MGST1: variants seen among roughly 807,000 people sequenced by gnomAD.
MGST1 encodes microsomal glutathione S-transferase 1.
In MGST1, 5 loss-of-function variants were observed where a neutral mutation model predicts 8.9. The ratio of observed to expected loss-of-function variants is 0.56; its 90% CI spans 0.29 to 1.19. The LOEUF (loss-of-function observed/expected upper bound fraction) is 1.19, where lower values mean the gene tolerates loss of function less well. Ranked by LOEUF, MGST1 falls within the 50% of genes most tolerant of loss-of-function variation. The pLI is 0.08. For missense variants in MGST1, 182 were observed against 187.4 expected, an observed-to-expected ratio of 0.97 and a Z score of 0.17; for synonymous variants, 54 against 67.8, an observed-to-expected ratio of 0.80 and a Z score of 1.00.
In MGST1 at chr12:16,387,768, T is replaced by C. The variant is rs555208605; in HGVS notation, n.778+4164T>C. ...GTCTCGATCTCCTGACCTCATGATC[T>C]GCCCGCCTTGGCCTCCTGAAGTGCT... On this transcript the variant is annotated intron_variant and non_coding_transcript_variant, in intron 1 of 1. Coordinates refer to the MGST1 transcript ENST00000359720. Among the ~76,000 whole-genome samples the C allele has an allele frequency of 9.2e-5, 14 of 152,240 alleles. No homozygotes were observed. In the South Asian group the frequency reaches 1.2e-3, roughly 14 times the overall value.
downstream of MGST1, among the ~76,000 whole-genome samples, chr12:16,365,766 C>T (rs1940176500): frequency 6.6e-6 from 1 of 152,236 alleles, no homozygotes; most frequent in Non-Finnish European, 1.5e-5. Flanking sequence ...CACACACACA[C>T]ACCCTGCTCT....
chr12:16,512,524 A>G (rs988839372), intron 4 of MGST1, among the ~76,000 whole-genome samples: 4 of 152,238 alleles, frequency 2.6e-5, no homozygotes, highest in African/African-American at 7.2e-5. Context: ...AACAACTTCA[A>G]ATATAATTTT....
At chr12:16,563,030 A>G (rs1483125998) in intron 4 of MGST1, among the ~76,000 whole-genome samples, 1 of 152,238 alleles carries the variant, frequency 6.6e-6, no homozygotes, top group Non-Finnish European at 1.5e-5. Flanking sequence ...TAGGCTTCAG[A>G]TAAAATTTTC....
At chr12:16,536,037 C>A (rs1259949691) in intron 4 of MGST1, among the ~76,000 whole-genome samples, 1 of 151,540 alleles carries the variant, frequency 6.6e-6, no homozygotes, top group Non-Finnish European at 1.5e-5. Context: ...GTTATTTAGT[C>A]TCCTCCTAAA....
At chr12:16,404,023 T>G (rs1565448019) in intron 1 of MGST1, among the ~76,000 whole-genome samples, 1 of 152,368 alleles carries the variant, frequency 6.6e-6, no homozygotes, top group African/African-American at 2.4e-5. Context: ...ATATCAATTA[T>G]GAGAAAACTG....
intron 4 of MGST1, among the ~76,000 whole-genome samples, chr12:16,581,032 AT>A (rs1348750432): frequency 2.6e-5 from 4 of 152,152 alleles, no homozygotes; most frequent in African/African-American, 9.7e-5. Context: ...CCACTAACAA[AT>A]TTTTTTCTAA....
At chr12:16,508,244 G>A (rs138676969) in intron 4 of MGST1, among the ~76,000 whole-genome samples, 53 of 152,242 alleles carry the variant, frequency 3.5e-4, no homozygotes, top group African/African-American at 1.2e-3. Flanking sequence ...GAATACATAG[G>A]TGTAACTTCA....
At chr12:16,441,824 G>C (rs1270214494), downstream of MGST1, among the ~76,000 whole-genome samples, 1 of 151,774 alleles carries the variant, frequency 6.6e-6, no homozygotes, top group Non-Finnish European at 1.5e-5. Flanking sequence ...TTTTTGTGTA[G>C]ACATAAATTT....
At chr12:16,525,346 A>G (rs1207042223) in intron 4 of MGST1, among the ~76,000 whole-genome samples, 2 of 137,404 alleles carry the variant, frequency 1.5e-5, no homozygotes, top group African/African-American at 5.5e-5. Flanking sequence ...TCCTGTGCCC[A>G]TGTGTTCTCA....
Position 16,404,671 on chromosome 12 carries a change from T to G in MGST1, n.778+21067T>G, listed in dbSNP as rs111627397. On this transcript the variant is annotated intron_variant and non_coding_transcript_variant, in intron 1 of 1. Transcript: ENST00000359720. The stretch of plus-strand genomic sequence containing the variant: ...GGACCATAGGAGCTTTTGCTTCATT[T>G]ATTCCTCTCCCTATTTTTGTGTTAT... Among the ~76,000 whole-genome samples, 1,054 of 152,282 alleles carry G rather than the reference T, an allele frequency of 6.9e-3. 20 individuals carry two copies. Among genetic ancestry groups the G allele is most frequent in the African/African-American group, 0.024 (1,018 of 41,572 alleles).
chr12:16,537,670 T>G lies in MGST1; in HGVS notation n.483-51858T>G, dbSNP rs1941763991. Among the ~76,000 whole-genome samples the G allele has an allele frequency of 6.6e-6, 1 of 152,220 alleles. No homozygotes were observed. The highest frequency in any genetic ancestry group is 2.4e-5 in the African/African-American group (1 of 41,474). ...CTGTGCACCTGCAGACTCAACACCA[T>G]GTGAAAGGTGCCAAGGTTTGGAGTT... is the stretch of plus-strand genomic sequence containing the variant. On this transcript the variant is annotated intron_variant and non_coding_transcript_variant, in intron 4 of 4. Transcript: ENST00000538857. This position sits in a 1 kb window ranked among gnomAD's most constrained non-coding sequence, Gnocchi z 4.6.
intron 4 of MGST1, among the ~76,000 whole-genome samples, chr12:16,475,190 G>A (rs143149553): frequency 6.6e-6 from 1 of 152,228 alleles, no homozygotes; most frequent in African/African-American, 2.4e-5. Context: ...ACAAGGCCCA[G>A]CATATACATG....
rs187701731 is a variant in MGST1, at chr12:16,563,839, A to G, written n.483-25689A>G. On this transcript the variant is annotated intron_variant and non_coding_transcript_variant, in intron 4 of 4. Coordinates refer to the MGST1 transcript ENST00000538857. Reference sequence around the variant, plus strand: ...CCAGCTTATACATTTACGGTAAGGAAAAAAATAAGCTCATTGATCTATTTT... The same window carrying G: ...CCAGCTTATACATTTACGGTAAGGAGAAAAATAAGCTCATTGATCTATTTT... 8.5e-5 allele frequency among the ~76,000 whole-genome samples: 13 copies of G among 152,302 alleles called. No homozygotes were observed. In the East Asian group the frequency reaches 2.3e-3, roughly 27 times the overall value.
intron 4 of MGST1, among the ~76,000 whole-genome samples, chr12:16,571,014 C>T (rs370639068): frequency 6.6e-6 from 1 of 151,564 alleles, no homozygotes; most frequent in East Asian, 1.9e-4. Context: ...GCACATGTAC[C>T]CTAAAACTTA....
intron 4 of MGST1, among the ~76,000 whole-genome samples, chr12:16,496,719 C>T (rs1169200176): frequency 6.6e-6 from 1 of 152,006 alleles, no homozygotes; most frequent in Non-Finnish European, 1.5e-5. Context: ...CAAGTGGGAA[C>T]ATGCGGTATT....
rs1418766399 is a variant in MGST1, at chr12:16,555,103, G to C, written n.483-34425G>C. 6.6e-6 allele frequency among the ~76,000 whole-genome samples: 1 copy of C among 152,210 alleles called. No individual in the cohort carries two copies. The highest frequency in any genetic ancestry group is 1.5e-5 in the Non-Finnish European group (1 of 68,040). On this transcript the variant is annotated intron_variant and non_coding_transcript_variant, in intron 4 of 4. Coordinates refer to the MGST1 transcript ENST00000538857. This position sits in a 1 kb window ranked among gnomAD's most constrained non-coding sequence, Gnocchi z 5.5. ...GGGATATTTTGAGTATTAAACGAAT[G>C]AGTACATGTAAAACACTCAGAACGG...
chr12:16,351,406 A>G lies in MGST1; in HGVS notation c.-22-2825A>G, dbSNP rs145621605. 4.1e-3 allele frequency among the ~76,000 whole-genome samples: 626 copies of G among 152,332 alleles called. 8 individuals are homozygous for G. Among genetic ancestry groups the G allele is most frequent in the African/African-American group, 0.014 (598 of 41,574 alleles). On this transcript the variant is annotated intron_variant, in intron 1 of 3. Coordinates refer to ENST00000396210, the MANE Select transcript of MGST1 (RefSeq NM_020300.5). ...TCTAACATACTGTGCTTTCAAGACTAGAGACTTATGGAGGTTGATTAATTT... is the reference window on the plus strand; with the variant it reads ...TCTAACATACTGTGCTTTCAAGACTGGAGACTTATGGAGGTTGATTAATTT...
intron 1 of MGST1, among the ~76,000 whole-genome samples, chr12:16,398,853 G>A (rs1940627968): frequency 6.6e-6 from 1 of 152,142 alleles, no homozygotes; most frequent in Non-Finnish European, 1.5e-5. Flanking sequence ...ATGGCAATAG[G>A]GTAGGTTGGA....
intron 4 of MGST1, among the ~76,000 whole-genome samples, chr12:16,492,466 C>T (rs1160405621): frequency 6.6e-6 from 1 of 152,112 alleles, no homozygotes; most frequent in African/African-American, 2.4e-5. Context: ...CAGTGTAGCG[C>T]CATCTGTACA....
Sources: gnomAD v4.1 joint callset for allele counts (sites outside exome capture counted in the v4.1 genomes callset) on GRCh38, gnomAD v4.1.1 for gene constraint, Gnocchi (gnomAD v3.1) non-coding constraint, MANE v1.5 for transcripts, NCBI Gene and HGNC (gene_info 2026-07-23, HGNC 2026-07-21) for gene names.